SPMIP7: variants seen among roughly 807,000 people sequenced by gnomAD.
SPMIP7 encodes the protein sperm microtubule inner protein 7.
the SPMIP7 span, among the ~76,000 whole-genome samples, chr7:50,123,567 T>C: frequency 6.8e-6 from 1 of 146,324 alleles, no homozygotes; most frequent in Non-Finnish European, 1.5e-5. Context: ...TAAAGTATAA[T>C]AATAAATAAA....
the SPMIP7 span, among the ~76,000 whole-genome samples, chr7:50,158,319 G>A: frequency 2.0e-5 from 3 of 151,238 alleles, no homozygotes. Flanking sequence ...TCTGGGTGAG[G>A]CCTGGGTCCC....
chr7:50,127,386 CA>C, the SPMIP7 span, among the ~76,000 whole-genome samples: 6 of 150,918 alleles, frequency 4.0e-5, no homozygotes, highest in Non-Finnish European at 5.9e-5. Flanking sequence ...GCACAGTCAA[CA>C]AAAGTAAAAA....
chr7:50,147,720 T>C, the SPMIP7 span, among the ~76,000 whole-genome samples: 4 of 152,368 alleles, frequency 2.6e-5, no homozygotes, highest in African/African-American at 9.6e-5. Context: ...TTAAATTACT[T>C]AATTTCTATT....
At chr7:50,113,986 C>T in the SPMIP7 span, among the ~76,000 whole-genome samples, 1 of 151,866 alleles carries the variant, frequency 6.6e-6, no homozygotes, top group Admixed American at 6.6e-5. Flanking sequence ...TCAGTTTCTG[C>T]AAGCCAGAAG....
chr7:50,104,504 G>C, the SPMIP7 span: 13 of 374,352 alleles, frequency 3.5e-5, no homozygotes, highest in Admixed American at 1.0e-4. Flanking sequence ...TTAGTTATTT[G>C]ATATTGTATG....
the SPMIP7 span, among the ~76,000 whole-genome samples, chr7:50,152,936 C>G: frequency 0.43 from 66,010 of 151,842 alleles, 14,832 homozygotes; most frequent in East Asian, 0.72. Flanking sequence ...ATGCTCCCGC[C>G]TTGGCCTCCC....
the SPMIP7 span, chr7:50,117,395 G>A: frequency 8.9e-3 from 3,001 of 335,334 alleles, 78 homozygotes; most frequent in African/African-American, 0.059. Context: ...TTTAAGACAC[G>A]ACCTTTATTT....
the SPMIP7 span, among the ~76,000 whole-genome samples, chr7:50,129,422 G>T: frequency 6.6e-6 from 1 of 151,940 alleles, no homozygotes; most frequent in African/African-American, 2.4e-5. Flanking sequence ...TAATTACATT[G>T]TGCTAAAACT....
the SPMIP7 span, among the ~76,000 whole-genome samples, chr7:50,122,638 A>C: frequency 1.2e-3 from 176 of 150,778 alleles, 1 homozygote; most frequent in Non-Finnish European, 2.2e-3. Flanking sequence ...CAACCTACAA[A>C]ATGGGAGAAA....
At chr7:50,112,355 AG>A in the SPMIP7 span, among the ~76,000 whole-genome samples, 1 of 152,166 alleles carries the variant, frequency 6.6e-6, no homozygotes, top group Non-Finnish European at 1.5e-5. Context: ...TGGCATGGTC[AG>A]AATTTTGGGC....
chr7:50,120,593 A>G, the SPMIP7 span, among the ~76,000 whole-genome samples: 127,222 of 152,068 alleles, frequency 0.84, 53,257 homozygotes, highest in East Asian at 0.92. Flanking sequence ...AATTCCTGTA[A>G]ACACTGCCAC....
the SPMIP7 span, among the ~76,000 whole-genome samples, chr7:50,139,633 T>A: frequency 1.3e-5 from 2 of 152,190 alleles, no homozygotes; most frequent in Non-Finnish European, 2.9e-5. Flanking sequence ...GCTATGTGGG[T>A]TAGTCAGCAC....
the SPMIP7 span, among the ~76,000 whole-genome samples, chr7:50,148,207 A>T: frequency 6.6e-6 from 1 of 152,224 alleles, no homozygotes; most frequent in Non-Finnish European, 1.5e-5. Context: ...TTTCGTTTTC[A>T]AATATTTGGC....
chr7:50,109,138 ATAT>A, the SPMIP7 span, among the ~76,000 whole-genome samples: 1 of 152,170 alleles, frequency 6.6e-6, no homozygotes, highest in African/African-American at 2.4e-5. Flanking sequence ...TTGATTTATG[ATAT>A]ATAAAATGTT....
the SPMIP7 span, among the ~76,000 whole-genome samples, chr7:50,099,323 T>A: frequency 6.6e-6 from 1 of 152,212 alleles, no homozygotes. Flanking sequence ...CTTCCTGCAT[T>A]TATGATTCTC....
At chr7:50,096,024 T>G in the SPMIP7 span, 58 of 1,098,762 alleles carry the variant, frequency 5.3e-5, no homozygotes, top group Non-Finnish European at 6.8e-5. Flanking sequence ...GTTTATATAG[T>G]TAAATATAAA....
the SPMIP7 span, among the ~76,000 whole-genome samples, chr7:50,110,120 A>C: frequency 6.6e-6 from 1 of 152,068 alleles, no homozygotes; most frequent in Non-Finnish European, 1.5e-5. Context: ...GCTTGTATTT[A>C]ATTATGTGGT....
chr7:50,144,916 G>T, the SPMIP7 span, among the ~76,000 whole-genome samples: 1 of 151,666 alleles, frequency 6.6e-6, no homozygotes, highest in African/African-American at 2.4e-5. Context: ...AAATTCATCC[G>T]CACTTATAAT....
the SPMIP7 span, among the ~76,000 whole-genome samples, chr7:50,117,985 T>G: frequency 6.6e-6 from 1 of 152,184 alleles, no homozygotes; most frequent in Non-Finnish European, 1.5e-5. Context: ...AGATCATAGC[T>G]GTAAAACTAA....
Sources: allele counts gnomAD v4.1 joint callset (sites outside exome capture counted in the v4.1 genomes callset), GRCh38; gene constraint gnomAD v4.1.1; transcripts MANE v1.5; gene names NCBI Gene and HGNC (gene_info 2026-07-23, HGNC 2026-07-21).